Variants in PPP2R2A observed in about 807,000 individuals in gnomAD.
PPP2R2A encodes protein phosphatase 2 regulatory subunit Balpha.
PPP2R2A carries 9 observed loss-of-function variants against 53.2 expected under a neutral mutation model. The ratio of observed to expected loss-of-function variants is 0.17; its 90% CI spans 0.10 to 0.30. The LOEUF (loss-of-function observed/expected upper bound fraction) is 0.30. Among genes scored for constraint, PPP2R2A ranks in the 10% least tolerant of loss-of-function variants. The pLI, the probability that PPP2R2A is intolerant of heterozygous loss-of-function variation, is 1.00. For synonymous variants in PPP2R2A, 169 were observed against 174.2 expected, an observed-to-expected ratio of 0.97 and a Z score of 0.23; for missense variants, 235 against 534.6, an observed-to-expected ratio of 0.44 and a Z score of 5.53.
intron 2 of PPP2R2A, among the ~76,000 whole-genome samples, chr8:26,294,016 A>G (rs889547492): frequency 2.0e-5 from 3 of 152,232 alleles, no homozygotes; most frequent in African/African-American, 7.2e-5. Flanking sequence ...TCTGAGCTCC[A>G]TATAAGGGTT....
intron 2 of PPP2R2A, among the ~76,000 whole-genome samples, chr8:26,311,119 A>C (rs972194168): frequency 6.6e-6 from 1 of 152,108 alleles, no homozygotes; most frequent in Non-Finnish European, 1.5e-5. Flanking sequence ...GCTGTGTTTT[A>C]GTTTTCTTAT....
In PPP2R2A at chr8:26,334,692, C is replaced by G. The variant is rs192282853; in HGVS notation, c.83-4198C>G. Among the ~76,000 whole-genome samples the G allele has an allele frequency of 5.9e-5, 9 of 152,078 alleles. No individual in the cohort carries two copies. In the East Asian group the frequency reaches 1.7e-3, roughly 29 times the overall value. On this transcript the variant is annotated intron_variant, in intron 2 of 9. Transcript: ENST00000380737. ...CCCGGGAGGCGGAGGTTGCAGGGAG[C>G]CGAGATCGCGCCACTGCACTCCAGC...
intron 2 of PPP2R2A, among the ~76,000 whole-genome samples, chr8:26,322,681 C>T (rs117007105): frequency 1.3e-5 from 2 of 152,182 alleles, no homozygotes; most frequent in East Asian, 3.9e-4. Context: ...ACTCTGTATC[C>T]TGTTTCCCAG....
At chr8:26,328,865 T>C (rs1424340023) in intron 2 of PPP2R2A, among the ~76,000 whole-genome samples, 1 of 152,230 alleles carries the variant, frequency 6.6e-6, no homozygotes, top group East Asian at 1.9e-4. Flanking sequence ...ATTAAAAACC[T>C]ATGTTATGAT....
At chr8:26,296,817 T>C (rs1229967738) in intron 2 of PPP2R2A, among the ~76,000 whole-genome samples, 1 of 152,212 alleles carries the variant, frequency 6.6e-6, no homozygotes, top group East Asian at 1.9e-4. Context: ...GTCATGGATT[T>C]ATTTACTTGG....
intron 4 of PPP2R2A, among the ~76,000 whole-genome samples, chr8:26,356,164 C>A (rs184267328): frequency 6.6e-6 from 1 of 152,168 alleles, no homozygotes; most frequent in East Asian, 1.9e-4. Context: ...AATTCTAACA[C>A]CTAGACCATA....
chr8:26,359,970 T>C (rs755239207), intron 4 of PPP2R2A, among the ~76,000 whole-genome samples, 199 bp from the exon 5 acceptor site: 9 of 152,048 alleles, frequency 5.9e-5, no homozygotes, highest in Non-Finnish European at 8.8e-5. Context: ...AATTTATGAG[T>C]GCCACCAATC....
At chr8:26,347,634 T>A (rs1413454196) in intron 3 of PPP2R2A, among the ~76,000 whole-genome samples, 1 of 152,158 alleles carries the variant, frequency 6.6e-6, no homozygotes, top group Non-Finnish European at 1.5e-5. Flanking sequence ...TTGACTATCT[T>A]ATAGACAAAT....
intron 2 of PPP2R2A, among the ~76,000 whole-genome samples, chr8:26,336,416 G>A (rs973797314): frequency 5.9e-5 from 9 of 151,844 alleles, no homozygotes; most frequent in African/African-American, 1.2e-4. Context: ...GCAACAAAGC[G>A]AAACCCCATC....
At chr8:26,332,255 G>A (rs1188905324) in intron 2 of PPP2R2A, among the ~76,000 whole-genome samples, 1 of 151,366 alleles carries the variant, frequency 6.6e-6, no homozygotes, top group East Asian at 1.9e-4. Context: ...AACTGCTCAA[G>A]AGGCTGAGGC....
chr8:26,327,517 G>A (rs1298608180), intron 2 of PPP2R2A, among the ~76,000 whole-genome samples: 1 of 152,152 alleles, frequency 6.6e-6, no homozygotes, highest in Non-Finnish European at 1.5e-5. Context: ...ACAATAAAAC[G>A]TTCTTAAATC....
intron 2 of PPP2R2A, among the ~76,000 whole-genome samples, chr8:26,309,832 T>C (rs898150271): frequency 6.6e-6 from 1 of 152,174 alleles, no homozygotes; most frequent in South Asian, 2.1e-4. Flanking sequence ...TGCTGTCTTA[T>C]GGAGGTGCTT....
rs1805019557 is a variant in PPP2R2A, at chr8:26,360,411, A to G, written c.459+130A>G. On this transcript the variant is annotated intron_variant, in intron 5 of 9. Coordinates refer to ENST00000380737, the MANE Select transcript of PPP2R2A (RefSeq NM_002717.4). This position sits in a 1 kb window ranked among gnomAD's most constrained non-coding sequence, Gnocchi z 4.5. ...TTTCCCAGTAATTCTGTAATCAGGTAGGACATTGAGTAACTCATTTAAACA... is the reference window on the plus strand; with the variant it reads ...TTTCCCAGTAATTCTGTAATCAGGTGGGACATTGAGTAACTCATTTAAACA... The G allele has an allele frequency of 1.8e-6, 1 of 542,144 alleles. No individual in the cohort carries two copies. Among genetic ancestry groups the G allele is most frequent in the Non-Finnish European group, 3.2e-6 (1 of 311,776 alleles). The allele number at this position is 542,144 out of a possible 1,614,324, so 33.6% of individuals were successfully genotyped here.
chr8:26,291,741 C>T lies in PPP2R2A; in HGVS notation c.-79C>T. Reference sequence around the variant, plus strand: ...CGCCGCCATCCGCCCTCTCTACCCCCCCATCCCCAGGTGAGGGGGGTGAGT... The same window carrying T: ...CGCCGCCATCCGCCCTCTCTACCCCTCCATCCCCAGGTGAGGGGGGTGAGT... On this transcript the variant is annotated 5_prime_UTR_variant, in exon 1 of 10. Transcript: ENST00000380737. 3.3e-6 allele frequency: 5 copies of T among 1,528,902 alleles called. No individual in the cohort carries two copies. The highest frequency in any genetic ancestry group is 2.5e-5 in the East Asian group (1 of 39,496). The allele number at this position is 1,528,902 out of a possible 1,614,324, so 94.7% of individuals were successfully genotyped here. A position where few individuals can be genotyped will look rare whatever the true frequency, so the allele number is the denominator to read the frequency against.
At chr8:26,336,221 C>T (rs185953327) in intron 2 of PPP2R2A, among the ~76,000 whole-genome samples, 9 of 151,964 alleles carry the variant, frequency 5.9e-5, no homozygotes, top group Non-Finnish European at 1.0e-4. Context: ...GCCAAGAGTT[C>T]GAAACCAGCC....
At chr8:26,297,118 GTGTGT>G (rs1466865115) in intron 2 of PPP2R2A, among the ~76,000 whole-genome samples, 1 of 151,658 alleles carries the variant, frequency 6.6e-6, no homozygotes, top group African/African-American at 2.4e-5. Flanking sequence ...TTCTTTTGGT[GTGTGT>G]GTGTGTGTGA....
chr8:26,303,252 C>T (rs528155805), intron 2 of PPP2R2A, among the ~76,000 whole-genome samples: 1 of 152,166 alleles, frequency 6.6e-6, no homozygotes, highest in Non-Finnish European at 1.5e-5. Context: ...TTTAAACTTA[C>T]CTCTCCCTTA....
intron 2 of PPP2R2A, among the ~76,000 whole-genome samples, chr8:26,309,435 G>A (rs2117226923): frequency 6.6e-6 from 1 of 152,252 alleles, no homozygotes; most frequent in Admixed American, 6.5e-5. Flanking sequence ...GTAGATTTGG[G>A]CCCTAGAATT....
intron 2 of PPP2R2A, among the ~76,000 whole-genome samples, chr8:26,335,213 C>A (rs909690533): frequency 6.6e-6 from 1 of 152,178 alleles, no homozygotes; most frequent in Non-Finnish European, 1.5e-5. Context: ...AATTTGAATT[C>A]ATTCTCCCTT....
Sources: allele counts gnomAD v4.1 joint callset (sites outside exome capture counted in the v4.1 genomes callset), GRCh38; gene constraint gnomAD v4.1.1; non-coding constraint Gnocchi (gnomAD v3.1); transcripts MANE v1.5; gene names NCBI Gene and HGNC (gene_info 2026-07-23, HGNC 2026-07-21).